The following SEC14L1 variants were observed in gnomAD, a reference collection of about 807,000 sequenced individuals.
SEC14L1 encodes SEC14-like protein 1.
SEC14L1 carries 48 observed loss-of-function variants against 85.3 expected under a neutral mutation model. The observed-to-expected ratio is 0.56, with a 90% CI of 0.45 to 0.72. The LOEUF is 0.72. Ranked by LOEUF, SEC14L1 falls within the 30% of genes least tolerant of loss-of-function variation. The pLI, the probability that SEC14L1 is intolerant of heterozygous loss-of-function variation, is 0.00. For synonymous variants in SEC14L1, 391 were observed against 355.5 expected (o/e 1.10, Z -1.12); for missense variants, 682 against 921.4 (o/e 0.74, Z 3.36).
intron 3 of SEC14L1, among the ~76,000 whole-genome samples, chr17:77,106,019 A>G (rs1418112741): frequency 6.6e-6 from 1 of 151,800 alleles, no homozygotes; most frequent in Non-Finnish European, 1.5e-5. Context: ...CAGTCTGGAT[A>G]TCAGTTCGTC....
At chr17:77,131,034 A>C (rs1259187469) in intron 3 of SEC14L1, among the ~76,000 whole-genome samples, 1 of 152,228 alleles carries the variant, frequency 6.6e-6, no homozygotes, top group Non-Finnish European at 1.5e-5. Context: ...TACCCAAGCA[A>C]CTTACAGTTC....
At position 77,217,061 on chromosome 17, in the gene SEC14L1, TTTA is replaced by T. The variant is rs1598418348; in HGVS notation, c.*3041_*3043del. On this transcript the variant is annotated 3_prime_UTR_variant, in exon 17 of 17. Coordinates refer to ENST00000436233, the MANE Select transcript of SEC14L1 (RefSeq NM_001143998.2). Reference sequence around the variant, plus strand: ...ATACTGATAGTCTTTAAAAGATTTTTTTATTGTTATCAATAATAAATGTGAACT... The same window carrying T: ...ATACTGATAGTCTTTAAAAGATTTTTTTGTTATCAATAATAAATGTGAACT... 1 of 153,504 alleles carries T rather than the reference TTTA, an allele frequency of 6.5e-6. No homozygotes were observed. Among genetic ancestry groups the T allele is most frequent in the Non-Finnish European group, 1.5e-5 (1 of 68,582 alleles). The allele number at this position is 153,504 out of a possible 1,614,324, so 9.5% of individuals were successfully genotyped here.
chr17:77,142,211 C>G (rs761673888), intron 1 of SEC14L1, among the ~76,000 whole-genome samples: 1 of 152,152 alleles, frequency 6.6e-6, no homozygotes, highest in Non-Finnish European at 1.5e-5. Flanking sequence ...TCCACCATGA[C>G]CTCTCCTCTG....
chr17:77,103,819 C>T (rs992558394), intron 3 of SEC14L1, among the ~76,000 whole-genome samples: 16 of 149,908 alleles, frequency 1.1e-4, no homozygotes, highest in South Asian at 4.2e-4. Context: ...CCAGAAGGCC[C>T]GGCTCCATGG....
chr17:77,105,455 A>G (rs1971893225), intron 3 of SEC14L1, among the ~76,000 whole-genome samples: 1 of 144,622 alleles, frequency 6.9e-6, no homozygotes, highest in Non-Finnish European at 1.5e-5. Flanking sequence ...CTGTAATATT[A>G]TAAATTGTGC....
At chr17:77,143,735 G>A in intron 3 of SEC14L1, 76 bp downstream of exon 3, 1 of 1,096,432 alleles carries the variant, frequency 9.1e-7, no homozygotes, top group Non-Finnish European at 1.4e-6. Context: ...ATGATCTATA[G>A]ATTTATTGTT....
chr17:77,212,468 C>T (rs576150483), intron 15 of SEC14L1, among the ~76,000 whole-genome samples: 26 of 152,196 alleles, frequency 1.7e-4, no homozygotes, highest in Non-Finnish European at 3.2e-4. Flanking sequence ...ACGCACGGGC[C>T]CAGCTGGGCT....
In SEC14L1 at chr17:77,215,424, G is replaced by C; in HGVS notation, c.*1401G>C. On this transcript the variant is annotated 3_prime_UTR_variant, in exon 17 of 17. Transcript: ENST00000436233. ...GCGGCTGTCAACTGTGTGCGTGGTA[G>C]GCATGGAGATCCTGGTTGTGCCGTC... is the stretch of plus-strand genomic sequence containing the variant. 3 of 985,556 alleles carry C rather than the reference G, an allele frequency of 3.0e-6. No homozygotes were observed. The South Asian group carries it at 1.4e-4, about 46-fold the overall frequency. 61.1% of individuals were successfully genotyped at this position (985,556 alleles called of 1,614,324 possible).
chr17:77,095,108 T>A (rs796275435), intron 3 of SEC14L1: 3 of 152,354 alleles, frequency 2.0e-5, no homozygotes, highest in African/African-American at 7.2e-5. Flanking sequence ...CTGCTGCCCA[T>A]GTGCACAGTT....
chr17:77,132,495 G>C (rs113365670), intron 3 of SEC14L1, among the ~76,000 whole-genome samples: 11 of 152,300 alleles, frequency 7.2e-5, no homozygotes, highest in African/African-American at 2.6e-4. Context: ...AAAGTGCTGG[G>C]ATGACAGGCG....
At chr17:77,181,297 A>G (rs9903812) in intron 3 of SEC14L1, among the ~76,000 whole-genome samples, 42,332 of 152,068 alleles carry the variant, frequency 0.28, 6,125 homozygotes, top group Middle Eastern at 0.33. Context: ...TAACCATCCA[A>G]CCTGAAGTGG....
chr17:77,089,165 A>G (rs1971443670), exon 2 of SEC14L1: 1 of 345,212 alleles, frequency 2.9e-6, no homozygotes, highest in Non-Finnish European at 5.7e-6. Flanking sequence ...TTCAACAGAA[A>G]ATGAGAAATA....
intron 6 of SEC14L1, among the ~76,000 whole-genome samples, chr17:77,193,941 C>T (rs1975670060): frequency 6.6e-6 from 1 of 152,162 alleles, no homozygotes; most frequent in South Asian, 2.1e-4. Flanking sequence ...ACCTTCCTTT[C>T]TCGTTTTTGT....
At chr17:77,201,612 G>A (rs542884856) in intron 9 of SEC14L1, among the ~76,000 whole-genome samples, 3 of 152,010 alleles carry the variant, frequency 2.0e-5, no homozygotes, top group South Asian at 2.1e-4. Flanking sequence ...CACCACGCCC[G>A]GCTACTTTTT....
chr17:77,140,501 C>G (rs879790966), upstream of SEC14L1, among the ~76,000 whole-genome samples: 1 of 152,258 alleles, frequency 6.6e-6, no homozygotes, highest in African/African-American at 2.4e-5. Context: ...GGGCAGCCGC[C>G]AGGGCGACCA....
intron 14 of SEC14L1, chr17:77,211,212 A>G (rs1170374500): frequency 6.6e-6 from 1 of 152,428 alleles, no homozygotes; most frequent in Non-Finnish European, 1.5e-5. Flanking sequence ...GCATGGGCTG[A>G]GAGGGGCCGT....
At chr17:77,194,976 C>CT (rs1567924384) in intron 7 of SEC14L1, 65 bp downstream of exon 7, 8 of 1,171,142 alleles carry the variant, frequency 6.8e-6, no homozygotes. Flanking sequence ...CGTTTTCTCT[C>CT]TGTTTGCTCT....
intron 10 of SEC14L1, 31 bp from the exon 11 acceptor site, chr17:77,205,245 A>T (rs774369237): frequency 1.9e-6 from 3 of 1,595,328 alleles, no homozygotes; most frequent in Non-Finnish European, 2.6e-6. Flanking sequence ...TAAACTAATC[A>T]TGGTAAATTT....
chr17:77,120,015 C>T (rs933025574), intron 3 of SEC14L1, among the ~76,000 whole-genome samples: 2 of 152,130 alleles, frequency 1.3e-5, no homozygotes, highest in Non-Finnish European at 2.9e-5. Flanking sequence ...ATTTTCAGCT[C>T]ATTTGTTATA....
Sources: allele counts gnomAD v4.1 joint callset (sites outside exome capture counted in the v4.1 genomes callset), GRCh38; gene constraint gnomAD v4.1.1; transcripts MANE v1.5; gene names NCBI Gene and HGNC (gene_info 2026-07-23, HGNC 2026-07-21).